The following CYTH3 variants were observed in gnomAD, a reference collection of about 807,000 sequenced individuals.
CYTH3 encodes cytohesin 3.
A neutral mutation model predicts 55.1 loss-of-function variants in CYTH3; 23 were observed. That is an observed-to-expected ratio of 0.42 (90% CI 0.30 to 0.59). The LOEUF is 0.59. Ranked by LOEUF, CYTH3 falls within the 20% of genes least tolerant of loss-of-function variation. The pLI is 0.20. For missense variants in CYTH3, 413 were observed against 524.8 expected, an observed-to-expected ratio of 0.79 and a Z score of 2.08; for synonymous variants, 249 against 194.9, an observed-to-expected ratio of 1.28 and a Z score of -2.31.
chr7:6,235,694 A>G (rs1449856431), intron 1 of CYTH3, among the ~76,000 whole-genome samples: 1 of 152,142 alleles, frequency 6.6e-6, no homozygotes, highest in Non-Finnish European at 1.5e-5. Flanking sequence ...GAGTAAAGCA[A>G]TACAACAGCT....
At chr7:6,248,651 C>A (rs372344303) in intron 1 of CYTH3, among the ~76,000 whole-genome samples, 15 of 152,322 alleles carry the variant, frequency 9.8e-5, no homozygotes, top group East Asian at 5.8e-4. Context: ...ACAAGCCCAC[C>A]CCGGCTGCCC....
chr7:6,186,887 C>G (rs1783667515), intron 4 of CYTH3, among the ~76,000 whole-genome samples, 163 bp downstream of exon 4: 1 of 152,242 alleles, frequency 6.6e-6, no homozygotes, highest in Non-Finnish European at 1.5e-5. Flanking sequence ...CTGCTTCACC[C>G]CACTCGCGAA....
intron 1 of CYTH3, among the ~76,000 whole-genome samples, chr7:6,191,560 ATT>A (rs1467809292): frequency 1.4e-5 from 2 of 145,498 alleles, no homozygotes; most frequent in Non-Finnish European, 3.0e-5. Context: ...ATACAGGAGA[ATT>A]TTTTTTATAA....
At chr7:6,256,624 T>C (rs1312600144) in intron 1 of CYTH3, among the ~76,000 whole-genome samples, 1 of 152,098 alleles carries the variant, frequency 6.6e-6, no homozygotes, top group Non-Finnish European at 1.5e-5. Context: ...GTGGAAGCAG[T>C]GGGAAGGTAA....
At chr7:6,203,427 G>C (rs543236147) in intron 1 of CYTH3, among the ~76,000 whole-genome samples, 2 of 152,054 alleles carry the variant, frequency 1.3e-5, no homozygotes, top group South Asian at 2.1e-4. Flanking sequence ...CAAAATTTAA[G>C]AATAATCTGA....
At position 6,173,675 on chromosome 7, in the gene CYTH3, G is replaced by T; in HGVS notation, c.427C>A (p.Leu143Ile). 1 of 1,611,548 alleles carries T rather than the reference G, an allele frequency of 6.2e-7. No individual in the cohort carries two copies. Among genetic ancestry groups the T allele is most frequent in the Non-Finnish European group, 8.5e-7 (1 of 1,177,702 alleles). The change falls in exon 6 of 13, where the codon CTC becomes ATC. Residue 143 changes from leucine (L) to isoleucine (I), a missense_variant. Transcript: ENST00000350796. ...AFVELHEFADLNLVQALRQFL... is the reference protein window; with the variant it reads ...AFVELHEFADINLVQALRQFL... The stretch of plus-strand genomic sequence containing the variant: ...TACCTTAAGGCTTGTACAAGGTTGA[G>T]ATCAGCAAACTCATGGAGTTCAACA...
chr7:6,259,784 AATATATATATATATAT>A lies in CYTH3; in HGVS notation c.34+12674_34+12689del, dbSNP rs71523777. On this transcript the variant is annotated intron_variant, in intron 1 of 12. Transcript: ENST00000350796. ...ATATATATATATATTATATATATAT[AATATATATATATATAT>A]ATATATATATATAATATATATATAT... 4.3e-4 allele frequency among the ~76,000 whole-genome samples: 9 copies of A among 20,944 alleles called. 1 individual carries two copies. The East Asian group carries it at 4.7e-3, about 11-fold the overall frequency. The allele number at this position is 20,944 out of a possible 152,430, so 13.7% of individuals were successfully genotyped here.
intron 1 of CYTH3, among the ~76,000 whole-genome samples, chr7:6,197,635 A>G (rs777588895): frequency 1.4e-4 from 21 of 152,310 alleles, no homozygotes; most frequent in Non-Finnish European, 2.8e-4. Flanking sequence ...GTGAGCCAAG[A>G]TCATGCCATT....
At chr7:6,173,768 T>C (rs777678507) in intron 5 of CYTH3, 35 bp from the exon 6 acceptor site, 1 of 1,214,018 alleles carries the variant, frequency 8.2e-7, no homozygotes, top group East Asian at 2.3e-5. Flanking sequence ...AAACCTAATG[T>C]ACATTATCGC....
At chr7:6,179,249 G>T (rs927449710) in intron 4 of CYTH3, among the ~76,000 whole-genome samples, 5 of 152,140 alleles carry the variant, frequency 3.3e-5, no homozygotes, top group Admixed American at 2.6e-4. Context: ...ATGATATGGA[G>T]CAAAAGACGA....
At chr7:6,176,536 C>T (rs1328606874) in intron 5 of CYTH3, among the ~76,000 whole-genome samples, 1 of 152,136 alleles carries the variant, frequency 6.6e-6, no homozygotes, top group Non-Finnish European at 1.5e-5. Context: ...GCTGGGATTA[C>T]AGGCATGAGG....
chr7:6,221,623 T>C (rs575449370), intron 1 of CYTH3, among the ~76,000 whole-genome samples: 1 of 152,060 alleles, frequency 6.6e-6, no homozygotes, highest in East Asian at 1.9e-4. Context: ...TGTGAGGAAA[T>C]GAGTGAAGGG....
At chr7:6,257,466 C>T (rs1012903892) in intron 1 of CYTH3, among the ~76,000 whole-genome samples, 1 of 152,150 alleles carries the variant, frequency 6.6e-6, no homozygotes, top group African/African-American at 2.4e-5. Flanking sequence ...CCAATGCCAC[C>T]TTTGATTACT....
At chr7:6,202,679 A>C (rs1489917353) in intron 1 of CYTH3, among the ~76,000 whole-genome samples, 1 of 151,950 alleles carries the variant, frequency 6.6e-6, no homozygotes, top group African/African-American at 2.4e-5. Flanking sequence ...GGCTCATCTC[A>C]AACTCCCGAC....
At chr7:6,270,780 G>A (rs1016618070) in intron 1 of CYTH3, among the ~76,000 whole-genome samples, 1 of 152,124 alleles carries the variant, frequency 6.6e-6, no homozygotes, top group African/African-American at 2.4e-5. Flanking sequence ...ACAACCCAAG[G>A]ACAATTTTAA....
At chr7:6,206,089 T>A (rs1198945103) in intron 1 of CYTH3, among the ~76,000 whole-genome samples, 1 of 152,146 alleles carries the variant, frequency 6.6e-6, no homozygotes, top group Non-Finnish European at 1.5e-5. Context: ...ACAGTTTGCA[T>A]TCCAGCAATT....
At chr7:6,207,640 C>A (rs1236589294) in intron 1 of CYTH3, among the ~76,000 whole-genome samples, 1 of 151,718 alleles carries the variant, frequency 6.6e-6, no homozygotes, top group Non-Finnish European at 1.5e-5. Context: ...CAGAGCGAGA[C>A]TCCATCTCAA....
chr7:6,259,833 T>TATA lies in CYTH3; in HGVS notation c.34+12640_34+12641insTAT, dbSNP rs57061102. On this transcript the variant is annotated intron_variant, in intron 1 of 12. Coordinates refer to ENST00000350796, the MANE Select transcript of CYTH3 (RefSeq NM_004227.4). The stretch of plus-strand genomic sequence containing the variant: ...TATATAATATATATATATATATATA[T>TATA]TTTTTTTTTTTTTTAAGACGGATTT... Among the ~76,000 whole-genome samples, 6 of 15,612 alleles carry TATA rather than the reference T, an allele frequency of 3.8e-4. No homozygotes were observed. In the East Asian group the frequency reaches 6.5e-3, roughly 17 times the overall value. 10.2% of individuals were successfully genotyped at this position (15,612 alleles called of 152,430 possible).
chr7:6,251,836 G>T (rs913145615), intron 1 of CYTH3, among the ~76,000 whole-genome samples: 3 of 152,102 alleles, frequency 2.0e-5, no homozygotes, highest in Non-Finnish European at 4.4e-5. Flanking sequence ...GTTCTTCACA[G>T]GCACCATTGG....
Sources: gnomAD v4.1 joint callset for allele counts (sites outside exome capture counted in the v4.1 genomes callset) on GRCh38, gnomAD v4.1.1 for gene constraint, MANE v1.5 for transcripts, NCBI Gene and HGNC (gene_info 2026-07-23, HGNC 2026-07-21) for gene names.